Variants in CDH8 observed in about 807,000 individuals in gnomAD.
CDH8 encodes cadherin-8.
In CDH8, 17 loss-of-function variants were observed where a neutral mutation model predicts 68.1. That is an observed-to-expected ratio of 0.25 (90% CI 0.17 to 0.37). CDH8 has a LOEUF of 0.37. Ranked by LOEUF, CDH8 falls within the 10% of genes least tolerant of loss-of-function variation. The pLI, the probability that CDH8 is intolerant of heterozygous loss-of-function variation, is 1.00. For missense variants in CDH8, 763 were observed against 999.3 expected (o/e 0.76, Z 3.19); for synonymous variants, 372 against 365.1 (o/e 1.02, Z -0.21).
At chr16:61,991,464 C>G (rs73568717) in intron 2 of CDH8, among the ~76,000 whole-genome samples, 2,127 of 152,334 alleles carry the variant, frequency 0.014, 42 homozygotes, top group African/African-American at 0.048. Flanking sequence ...AATAACATGA[C>G]TAAATTTCTG....
chr16:61,815,740 C>A (rs918663388), intron 7 of CDH8, among the ~76,000 whole-genome samples: 1 of 152,094 alleles, frequency 6.6e-6, no homozygotes, highest in African/African-American at 2.4e-5. Flanking sequence ...TCAGTTGAAC[C>A]AATCTCATTT....
Position 61,648,424 on chromosome 16 carries a change from G to C in CDH8, c.*5184C>G, listed in dbSNP as rs908909186. The C allele has an allele frequency of 1.3e-5, 2 of 152,254 alleles. No homozygotes were observed. Among genetic ancestry groups the C allele is most frequent in the African/African-American group, 4.8e-5 (2 of 41,352 alleles). 9.4% of individuals were successfully genotyped at this position (152,254 alleles called of 1,614,324 possible). On this transcript the variant is annotated 3_prime_UTR_variant, in exon 12 of 12. Transcript: ENST00000577390. ...GAAAATTTCACCGTGACGTCTTCTT[G>C]AGTCTTCCCATATGGGGTCCCTTAC...
At chr16:61,898,640 C>A (rs1238942071) in intron 3 of CDH8, among the ~76,000 whole-genome samples, 1 of 152,086 alleles carries the variant, frequency 6.6e-6, no homozygotes, top group Admixed American at 6.5e-5. Context: ...TTACTGAGAT[C>A]ATCAATAATC....
At chr16:61,958,586 T>C (rs1965024811) in intron 2 of CDH8, among the ~76,000 whole-genome samples, 1 of 152,156 alleles carries the variant, frequency 6.6e-6, no homozygotes, top group Non-Finnish European at 1.5e-5. Context: ...GAGTCAAATT[T>C]CTCTAAAGCC....
At chr16:61,835,547 C>T (rs1223720648) in intron 4 of CDH8, among the ~76,000 whole-genome samples, 1 of 151,892 alleles carries the variant, frequency 6.6e-6, no homozygotes, top group Non-Finnish European at 1.5e-5. Flanking sequence ...CAACATATGG[C>T]TAGCCAATGA....
intron 2 of CDH8, among the ~76,000 whole-genome samples, chr16:61,917,074 T>C (rs1964250867): frequency 6.8e-6 from 1 of 147,690 alleles, no homozygotes; most frequent in Non-Finnish European, 1.5e-5. Context: ...TGTGTGTGTG[T>C]GTGTGTGTGT....
intron 10 of CDH8, among the ~76,000 whole-genome samples, chr16:61,664,087 C>T (rs1567409664): frequency 6.6e-6 from 1 of 151,882 alleles, no homozygotes; most frequent in Non-Finnish European, 1.5e-5. Context: ...CATCTTCCCT[C>T]CTCAGGGCTT....
chr16:61,834,704 G>C (rs1597006028), intron 4 of CDH8, among the ~76,000 whole-genome samples: 1 of 151,876 alleles, frequency 6.6e-6, no homozygotes, highest in East Asian at 1.9e-4. Context: ...ATGATGTTCT[G>C]GTGTTACTTG....
At chr16:61,681,555 GT>G (rs56758725) in intron 10 of CDH8, among the ~76,000 whole-genome samples, 124 of 145,560 alleles carry the variant, frequency 8.5e-4, no homozygotes, top group African/African-American at 1.3e-3. Context: ...GAGCAAGAAG[GT>G]TTTTTTTTTT....
intron 2 of CDH8, among the ~76,000 whole-genome samples, chr16:61,982,321 G>A (rs1292064685): frequency 6.6e-6 from 1 of 152,124 alleles, no homozygotes; most frequent in East Asian, 1.9e-4. Context: ...CCGGGTTCAC[G>A]CCATTCTCCT....
At chr16:62,030,734 AG>A (rs1332359403) in intron 1 of CDH8, among the ~76,000 whole-genome samples, 4 of 152,170 alleles carry the variant, frequency 2.6e-5, no homozygotes, top group South Asian at 2.1e-4. Context: ...TACATAAAAA[AG>A]AGTAAGGGGA....
chr16:61,909,381 G>A (rs1964121755), intron 2 of CDH8, among the ~76,000 whole-genome samples: 1 of 152,140 alleles, frequency 6.6e-6, no homozygotes, highest in Admixed American at 6.5e-5. Context: ...CCCTCTATGT[G>A]CATTATTCAT....
intron 8 of CDH8, among the ~76,000 whole-genome samples, chr16:61,744,601 T>G (rs1959966111): frequency 1.3e-5 from 2 of 151,876 alleles, no homozygotes; most frequent in Non-Finnish European, 2.9e-5. Flanking sequence ...TTTTAAATGT[T>G]TTTTAAAATC....
chr16:61,979,619 A>T (rs1167852646), intron 2 of CDH8, among the ~76,000 whole-genome samples: 2 of 152,054 alleles, frequency 1.3e-5, no homozygotes, highest in African/African-American at 4.8e-5. Flanking sequence ...GACAGGCAAT[A>T]AAGATGAGTA....
intron 3 of CDH8, among the ~76,000 whole-genome samples, chr16:61,876,045 T>G (rs1963452842): frequency 6.6e-6 from 1 of 151,944 alleles, no homozygotes; most frequent in Non-Finnish European, 1.5e-5. Context: ...CCTGGCTAAT[T>G]TTTGTATTTT....
At chr16:61,792,050 A>G (rs1051139681) in intron 7 of CDH8, among the ~76,000 whole-genome samples, 6 of 152,038 alleles carry the variant, frequency 3.9e-5, no homozygotes, top group African/African-American at 1.4e-4. Context: ...TAAATGATAT[A>G]TTAATAAACT....
At chr16:61,999,792 C>G (rs1026479822) in intron 2 of CDH8, among the ~76,000 whole-genome samples, 1 of 151,840 alleles carries the variant, frequency 6.6e-6, no homozygotes, top group Non-Finnish European at 1.5e-5. Context: ...TAATGAATTC[C>G]CCCCTTTTTT....
At chr16:61,721,968 T>A (rs1448761374) in intron 9 of CDH8, among the ~76,000 whole-genome samples, 1 of 150,750 alleles carries the variant, frequency 6.6e-6, no homozygotes, top group East Asian at 2.0e-4. Context: ...ATGTAAGCAA[T>A]CAGATTTCTC....
At chr16:61,822,966 T>G (rs2143000980) in intron 5 of CDH8, among the ~76,000 whole-genome samples, 1 of 152,070 alleles carries the variant, frequency 6.6e-6, no homozygotes, top group South Asian at 2.1e-4. Context: ...CGTTTGAAAT[T>G]GATCTGCCAT....
Sources: gnomAD v4.1 joint callset for allele counts (sites outside exome capture counted in the v4.1 genomes callset) on GRCh38, gnomAD v4.1.1 for gene constraint, MANE v1.5 for transcripts, NCBI Gene and HGNC (gene_info 2026-07-23, HGNC 2026-07-21) for gene names.